The following CFH variants were observed in gnomAD, a reference collection of about 807,000 sequenced individuals.
The protein encoded by CFH is complement factor H.
CFH carries 53 observed loss-of-function variants against 147.3 expected under a neutral mutation model. The observed-to-expected ratio is 0.36, with a 90% CI of 0.29 to 0.45. CFH has a LOEUF of 0.45. Ranked by LOEUF, CFH falls within the 20% of genes least tolerant of loss-of-function variation. CFH has a pLI of 1.00. For synonymous variants in CFH, 536 were observed against 489.4 expected (o/e 1.10, Z -1.26); for missense variants, 1,380 against 1,498.0 (o/e 0.92, Z 1.30).
At chr1:196,695,190 G>A (rs952820007) in intron 9 of CFH, among the ~76,000 whole-genome samples, 2 of 152,086 alleles carry the variant, frequency 1.3e-5, no homozygotes, top group Non-Finnish European at 2.9e-5. Flanking sequence ...TATATTAGGT[G>A]TAAGGGAAGG....
rs1168190025 is a variant in CFH at position 196,680,472 on chromosome 1, A to G, written c.790+679A>G. On this transcript the variant is annotated intron_variant, in intron 6 of 21. Transcript: ENST00000367429. ...TTAAACGGGAAAGTTTCAAACTATC[A>G]TGGCCAAGAAGAGAGAATATGGACA... Among the ~76,000 whole-genome samples, 4 of 151,886 alleles carry G rather than the reference A, an allele frequency of 2.6e-5. No homozygotes were observed. In the East Asian group the frequency reaches 5.8e-4, roughly 22 times the overall value.
intron 1 of CFH, among the ~76,000 whole-genome samples, chr1:196,655,544 TG>T (rs1273001619): frequency 6.6e-6 from 1 of 152,232 alleles, no homozygotes; most frequent in African/African-American, 2.4e-5. Context: ...TCTTCATGTG[TG>T]GCCTTTGGTT....
chr1:196,724,827 T>C (rs944218991), intron 11 of CFH, among the ~76,000 whole-genome samples: 1 of 152,222 alleles, frequency 6.6e-6, no homozygotes, highest in Non-Finnish European at 1.5e-5. Flanking sequence ...AAAAAAGTAA[T>C]ATTAAATTTC....
chr1:196,693,917 C>T (rs12041668), intron 9 of CFH, among the ~76,000 whole-genome samples: 29,781 of 150,880 alleles, frequency 0.2, 3,473 homozygotes, highest in East Asian at 0.36. Context: ...ATTTATTCCT[C>T]ATGGATACAT....
At position 196,726,522 on chromosome 1, in the gene CFH, G is replaced by T; in HGVS notation, c.1926G>T (p.Lys642Asn). 1 of 1,613,054 alleles carries T rather than the reference G, an allele frequency of 6.2e-7. No individual in the cohort carries two copies. Among genetic ancestry groups the T allele is most frequent in the Non-Finnish European group, 8.5e-7 (1 of 1,179,348 alleles). Residue 642 changes from lysine (K) to asparagine (N), a missense_variant, in exon 13 of 22, where the codon AAG becomes AAT. Coordinates refer to ENST00000367429, the MANE Select transcript of CFH (RefSeq NM_000186.4). ...CTGAACTCCTCAATGGGAATGTTAAGGAAAAAACGAAAGAAGAATATGGAC... is the reference window on the plus strand; with the variant it reads ...CTGAACTCCTCAATGGGAATGTTAATGAAAAAACGAAAGAAGAATATGGAC... Reference protein sequence around the residue: ...PPPELLNGNVKEKTKEEYGHS... With the variant: ...PPPELLNGNVNEKTKEEYGHS...
rs750801523 is a variant in CFH, at chr1:196,690,225, G to C, written c.1322G>C (p.Arg441Thr). 9.9e-6 allele frequency: 16 copies of C among 1,613,164 alleles called. No homozygotes were observed. Among genetic ancestry groups the C allele is most frequent in the African/African-American group, 2.7e-5 (2 of 74,836 alleles). The change falls in exon 9 of 22, where the codon AGA (arginine) becomes ACA (threonine). Residue 441 changes from arginine (R) to threonine (T), a missense_variant. Transcript: ENST00000367429. ...CMENGWSPTPRCIRVKTCSKS... is the reference protein window; with the variant it reads ...CMENGWSPTPTCIRVKTCSKS... ...GAGAATGGCTGGTCTCCTACTCCCA[G>C]ATGCATCCGTGTCAGTAAGTACACT... is the stretch of plus-strand genomic sequence containing the variant.
chr1:196,692,768 TTC>T (rs1220208750), intron 9 of CFH, among the ~76,000 whole-genome samples: 1 of 66,716 alleles, frequency 1.5e-5, no homozygotes, highest in Admixed American at 1.9e-4. Flanking sequence ...CTTTCTTTCT[TTC>T]TTTCTTTCTT....
At chr1:196,719,838 A>G (rs1054328607) in intron 11 of CFH, among the ~76,000 whole-genome samples, 2 of 151,644 alleles carry the variant, frequency 1.3e-5, no homozygotes, top group African/African-American at 4.8e-5. Flanking sequence ...TATTCAGGAT[A>G]CCTAGAATTT....
At chr1:196,727,521 TATC>T in intron 14 of CFH, among the ~76,000 whole-genome samples, 1 of 152,126 alleles carries the variant, frequency 6.6e-6, no homozygotes. Context: ...ATTAAAAAAT[TATC>T]ATATGATTAA....
chr1:196,735,925 C>T (rs1324859400), intron 15 of CFH, among the ~76,000 whole-genome samples: 2 of 151,980 alleles, frequency 1.3e-5, no homozygotes, highest in African/African-American at 4.8e-5. Context: ...AAATCATTGC[C>T]ATGATTTCCT....
chr1:196,734,441 C>T (rs1264143836), intron 15 of CFH, among the ~76,000 whole-genome samples: 1 of 151,976 alleles, frequency 6.6e-6, no homozygotes, highest in Non-Finnish European at 1.5e-5. Flanking sequence ...TTAAGTGCTC[C>T]TACACAAGCA....
At chr1:196,690,519 A>G (rs1386452000) in intron 9 of CFH, 3 of 459,094 alleles carry the variant, frequency 6.5e-6, no homozygotes, top group Non-Finnish European at 1.2e-5. Flanking sequence ...GTCGTATTGA[A>G]GCGGCATCAT....
intron 11 of CFH, among the ~76,000 whole-genome samples, chr1:196,720,674 T>A (rs1668977566): frequency 6.6e-6 from 1 of 151,928 alleles, no homozygotes; most frequent in African/African-American, 2.4e-5. Flanking sequence ...ATGGCATATA[T>A]CTATACCACA....
intron 1 of CFH, among the ~76,000 whole-genome samples, chr1:196,658,206 A>G (rs986778399): frequency 6.6e-6 from 1 of 151,628 alleles, no homozygotes; most frequent in Non-Finnish European, 1.5e-5. Context: ...ACGTATTCAC[A>G]CTCTTAATTC....
chr1:196,679,516 A>G (rs1003909399), intron 5 of CFH, 107 bp from the exon 6 acceptor site: 10 of 798,398 alleles, frequency 1.3e-5, no homozygotes, highest in Admixed American at 4.9e-5. Context: ...TGTTTGGTTG[A>G]CTGATTTACC....
intron 20 of CFH, among the ~76,000 whole-genome samples, chr1:196,744,574 A>G (rs977696292): frequency 3.3e-5 from 5 of 152,130 alleles, no homozygotes; most frequent in African/African-American, 9.7e-5. Flanking sequence ...ACTGACATTT[A>G]AATCTACAAC....
chr1:196,699,598 T>G (rs1668391515), intron 9 of CFH, among the ~76,000 whole-genome samples: 1 of 152,218 alleles, frequency 6.6e-6, no homozygotes, highest in Non-Finnish European at 1.5e-5. Flanking sequence ...TTTCCTTGCC[T>G]AAACCAAGGC....
chr1:196,709,859 A>G (rs1668682832), intron 9 of CFH, among the ~76,000 whole-genome samples: 1 of 152,164 alleles, frequency 6.6e-6, no homozygotes, highest in African/African-American at 2.4e-5. Flanking sequence ...AAATTAAAAA[A>G]TTAGCCGGGC....
At position 196,672,990 on chromosome 1, in the gene CFH, T is replaced by C. The variant is rs1007759235; in HGVS notation, c.71T>C (p.Leu24Pro). Reference sequence around the variant, plus strand: ...TTATTGTTTGTAGATTGCAATGAACTTCCTCCAAGAAGAAATACAGAAATT... The same window carrying C: ...TTATTGTTTGTAGATTGCAATGAACCTCCTCCAAGAAGAAATACAGAAATT... ...AICVAEDCNE[L>P]PPRRNTEILT... The change falls in exon 2 of 22, where the codon CTT becomes CCT. Residue 24 changes from leucine to proline, a missense_variant. Physicochemically the swap from Leu to Pro is moderately conservative, Grantham distance 98. This residue lies in a region of CFH where 260 missense variants were observed against 263.3 expected (regional missense o/e 0.99). Transcript: ENST00000367429. 3.1e-6 allele frequency: 5 copies of C among 1,613,944 alleles called. No homozygotes were observed. The highest frequency in any genetic ancestry group is 3.4e-6 in the Non-Finnish European group (4 of 1,179,898).
Sources: allele counts gnomAD v4.1 joint callset (sites outside exome capture counted in the v4.1 genomes callset), GRCh38; gene constraint gnomAD v4.1.1; regional missense constraint gnomAD v4.1.1; transcripts MANE v1.5; gene names NCBI Gene and HGNC (gene_info 2026-07-23, HGNC 2026-07-21).